ZBTB20: variants seen among roughly 807,000 people sequenced by gnomAD.
The protein encoded by ZBTB20 is zinc finger and BTB domain containing 20, also known as zinc finger and BTB domain-containing protein 20.
Under a neutral mutation model 56.9 loss-of-function variants are expected in ZBTB20, and 9 were observed. The observed-to-expected ratio is 0.16, with a 90% CI of 0.10 to 0.28. The LOEUF (loss-of-function observed/expected upper bound fraction) is 0.28, where lower values mean the gene tolerates loss of function less well. Ranked by LOEUF, ZBTB20 falls within the 10% of genes least tolerant of loss-of-function variation. The probability of loss-of-function intolerance (pLI) is 1.00; values close to 1 mark genes in which losing one functional copy is unlikely to be tolerated. For missense variants in ZBTB20, 655 were observed against 1,003.0 expected, an observed-to-expected ratio of 0.65 and a Z score of 4.69; for synonymous variants, 417 against 420.7, an observed-to-expected ratio of 0.99 and a Z score of 0.11.
At chr3:114,494,841 T>C (rs1160697815) in intron 7 of ZBTB20, among the ~76,000 whole-genome samples, 2 of 152,254 alleles carry the variant, frequency 1.3e-5, no homozygotes, top group African/African-American at 4.8e-5. Flanking sequence ...CTATCAGTTC[T>C]TTTGTCTTAT....
At chr3:114,411,598 T>G (rs1349654621) in intron 7 of ZBTB20, among the ~76,000 whole-genome samples, 1 of 152,162 alleles carries the variant, frequency 6.6e-6, no homozygotes, top group African/African-American at 2.4e-5. Context: ...CACAACGCTC[T>G]GCATGCTGGT....
At chr3:114,870,569 G>C (rs985917412) in intron 4 of ZBTB20, among the ~76,000 whole-genome samples, 3 of 151,396 alleles carry the variant, frequency 2.0e-5, no homozygotes, top group Non-Finnish European at 4.4e-5. Flanking sequence ...GATGGTGGTG[G>C]GAATGTGGGA....
At chr3:114,805,329 T>C (rs1188267077) in intron 4 of ZBTB20, among the ~76,000 whole-genome samples, 2 of 152,084 alleles carry the variant, frequency 1.3e-5, no homozygotes, top group African/African-American at 4.8e-5. Context: ...CTCAGTCTCT[T>C]CTGATCTGTG....
intron 1 of ZBTB20, among the ~76,000 whole-genome samples, chr3:115,095,145 C>T (rs1301584861): frequency 2.6e-5 from 4 of 152,092 alleles, no homozygotes; most frequent in African/African-American, 9.7e-5. Flanking sequence ...GTAATTACCA[C>T]ATTTTCTATC....
chr3:114,689,754 G>A (rs939314966), intron 6 of ZBTB20, among the ~76,000 whole-genome samples: 1 of 152,204 alleles, frequency 6.6e-6, no homozygotes, highest in East Asian at 1.9e-4. Context: ...TTTTTAAAAG[G>A]CAGTTTATAT....
At chr3:114,792,876 C>CT (rs71146337) in intron 5 of ZBTB20, among the ~76,000 whole-genome samples, 65 of 119,654 alleles carry the variant, frequency 5.4e-4, no homozygotes, top group African/African-American at 2.0e-3. Context: ...TTTTCTTTTT[C>CT]TTTTTTTTTT....
intron 2 of ZBTB20, among the ~76,000 whole-genome samples, chr3:115,064,388 T>C (rs1278719206): frequency 6.6e-6 from 1 of 151,310 alleles, no homozygotes; most frequent in East Asian, 2.0e-4. Context: ...CCCTTATACG[T>C]AATTGGTAGT....
intron 6 of ZBTB20, among the ~76,000 whole-genome samples, chr3:114,654,193 C>T (rs114980371): frequency 0.034 from 5,205 of 151,846 alleles, 319 homozygotes; most frequent in African/African-American, 0.12. Flanking sequence ...TGGAAACCTA[C>T]GCTATTGATC....
At chr3:114,352,126 C>A (rs1353895822) in intron 10 of ZBTB20, among the ~76,000 whole-genome samples, 1 of 152,220 alleles carries the variant, frequency 6.6e-6, no homozygotes, top group African/African-American at 2.4e-5. Flanking sequence ...TCCATATTAA[C>A]TCCCCAGAGC....
chr3:114,662,099 A>G (rs1490681885), intron 6 of ZBTB20, among the ~76,000 whole-genome samples: 3 of 125,168 alleles, frequency 2.4e-5, no homozygotes, highest in South Asian at 5.3e-4. Flanking sequence ...ATTCCCCTTC[A>G]TGTGTCCATG....
chr3:114,792,916 C>A (rs1205787017), intron 5 of ZBTB20, among the ~76,000 whole-genome samples: 3 of 148,446 alleles, frequency 2.0e-5, no homozygotes, highest in Non-Finnish European at 4.4e-5. Context: ...TGCTTTGTTG[C>A]CCAGGCTGGA....
At chr3:114,834,099 T>C (rs2073997198) in intron 4 of ZBTB20, among the ~76,000 whole-genome samples, 1 of 152,094 alleles carries the variant, frequency 6.6e-6, no homozygotes, top group African/African-American at 2.4e-5. Flanking sequence ...CCTTAGAAAA[T>C]ACAAATAGCT....
intron 6 of ZBTB20, among the ~76,000 whole-genome samples, chr3:114,549,408 T>C (rs1281019364): frequency 2.6e-5 from 4 of 152,196 alleles, no homozygotes; most frequent in African/African-American, 7.2e-5. Context: ...ATCAAAGTAA[T>C]AGCAAAATTC....
At position 114,351,575 on chromosome 3, in the gene ZBTB20, G is replaced by C. The variant is rs753875455; in HGVS notation, c.503C>G (p.Ser168Trp). 1.2e-6 allele frequency: 2 copies of C among 1,614,058 alleles called. No homozygotes were observed. Among genetic ancestry groups the C allele is most frequent in the South Asian group, 1.1e-5 (1 of 91,060 alleles). ...GGCCGTGAGGATCTGCAGAGCTTCCGACTGCGAGACCCGTAGCACGCCGCT... is the reference window on the plus strand; with the variant it reads ...GGCCGTGAGGATCTGCAGAGCTTCCCACTGCGAGACCCGTAGCACGCCGCT... The part of the protein sequence containing the change: ...MYSGVLRVSQ[S>W]EALQILTAAS... Residue 168 changes from serine (S) to tryptophan (W), a missense_variant, in exon 11 of 12, where the codon TCG becomes TGG. Ser to Trp is a radical substitution (Grantham distance 177). Coordinates refer to ENST00000675478, the MANE Select transcript of ZBTB20 (RefSeq NM_001348800.3).
intron 7 of ZBTB20, among the ~76,000 whole-genome samples, chr3:114,478,107 C>G (rs1047401527): frequency 1.3e-5 from 2 of 151,964 alleles, no homozygotes; most frequent in Non-Finnish European, 2.9e-5. Flanking sequence ...GCTGGGATTA[C>G]AGGCATGCGC....
chr3:114,998,937 A>G (rs2079133380), intron 2 of ZBTB20, among the ~76,000 whole-genome samples: 1 of 150,188 alleles, frequency 6.7e-6, no homozygotes, highest in African/African-American at 2.4e-5. Context: ...AAAATTGGGT[A>G]AGATCAATCA....
chr3:114,413,981 T>G (rs2088252039), intron 7 of ZBTB20, among the ~76,000 whole-genome samples: 3 of 152,136 alleles, frequency 2.0e-5, no homozygotes, highest in Admixed American at 2.0e-4. Flanking sequence ...ATATGAAGTC[T>G]TGCTCTTCAT....
rs1433434685 is a variant in ZBTB20 at position 114,787,368 on chromosome 3, T to TATATATACACATACAC, written c.-343+13732_-343+13733insGTGTATGTGTATATAT. On this transcript the variant is annotated intron_variant, in intron 5 of 11. Coordinates refer to ENST00000675478, the MANE Select transcript of ZBTB20 (RefSeq NM_001348800.3). The stretch of plus-strand genomic sequence containing the variant: ...ATATATATATATATATATATATATA[T>TATATATACACATACAC]ACACACACACACACACACACACACA... Among the ~76,000 whole-genome samples, 31 of 106,304 alleles carry TATATATACACATACAC rather than the reference T, an allele frequency of 2.9e-4. 1 individual carries two copies. Among genetic ancestry groups the TATATATACACATACAC allele is most frequent in the African/African-American group, 1.3e-3 (28 of 22,044 alleles). The allele number at this position is 106,304 out of a possible 152,430, so 69.7% of individuals were successfully genotyped here.
intron 2 of ZBTB20, among the ~76,000 whole-genome samples, chr3:115,045,594 C>T (rs1051189696): frequency 1.3e-5 from 2 of 151,304 alleles, no homozygotes; most frequent in Admixed American, 1.3e-4. Flanking sequence ...AAAATGCAAT[C>T]AATCCAGTCA....
Sources: allele counts gnomAD v4.1 joint callset (sites outside exome capture counted in the v4.1 genomes callset), GRCh38; gene constraint gnomAD v4.1.1; transcripts MANE v1.5; gene names NCBI Gene and HGNC (gene_info 2026-07-23, HGNC 2026-07-21).